The following DAAM2 variants were observed in gnomAD, a reference collection of about 807,000 sequenced individuals.
DAAM2 encodes the protein disheveled-associated activator of morphogenesis 2.
Under a neutral mutation model 120.7 loss-of-function variants are expected in DAAM2, and 39 were observed. The ratio of observed to expected loss-of-function variants is 0.32; its 90% confidence interval spans 0.25 to 0.42. The LOEUF (loss-of-function observed/expected upper bound fraction) is 0.42. Among genes scored for constraint, DAAM2 ranks in the 10% least tolerant of loss-of-function variants. The pLI is 1.00. For missense variants in DAAM2, 1,283 were observed against 1,401.7 expected (o/e 0.92, Z 1.35); for synonymous variants, 488 against 524.9 (o/e 0.93, Z 0.96).
At chr6:39,891,784 G>A (rs2149359031) in intron 19 of DAAM2, 62 bp downstream of exon 19, 2 of 1,378,624 alleles carry the variant, frequency 1.5e-6, no homozygotes, top group Middle Eastern at 1.8e-4. Context: ...CAGGGTGGGT[G>A]GGAGCCAGTG....
chr6:39,870,642 T>G (rs988282140), intron 8 of DAAM2, among the ~76,000 whole-genome samples, 199 bp downstream of exon 8: 4 of 152,184 alleles, frequency 2.6e-5, no homozygotes, highest in Non-Finnish European at 5.9e-5. Flanking sequence ...ATCTCTGATG[T>G]TATAGACAGG....
intron 1 of DAAM2, among the ~76,000 whole-genome samples, chr6:39,829,966 C>T (rs536955092): frequency 5.9e-5 from 9 of 152,316 alleles, no homozygotes; most frequent in East Asian, 1.9e-4. Context: ...TCCTTCCCCA[C>T]GCTGAGTTAG....
chr6:39,867,462 C>A, intron 5 of DAAM2, 48 bp from the exon 6 acceptor site: 1 of 1,583,168 alleles, frequency 6.3e-7, no homozygotes. Flanking sequence ...GCAAAGTGTA[C>A]ACAGAATCAT....
chr6:39,900,624 C>T lies in DAAM2; in HGVS notation c.2811+416C>T, dbSNP rs115465733. Reference sequence around the variant, plus strand: ...TGCCTCTATCTGCTTCTCACACTAACGTGTCCATAGACCTCATGTATGGGG... The same window carrying T: ...TGCCTCTATCTGCTTCTCACACTAATGTGTCCATAGACCTCATGTATGGGG... On this transcript the variant is annotated intron_variant, in intron 23 of 24. Coordinates refer to ENST00000274867, the MANE Select transcript of DAAM2 (RefSeq NM_001201427.2). 2.6e-3 allele frequency among the ~76,000 whole-genome samples: 391 copies of T among 152,288 alleles called. 1 individual carries two copies. Among genetic ancestry groups the T allele is most frequent in the Non-Finnish European group, 4.5e-3 (305 of 68,024 alleles).
rs771483933 is a variant in DAAM2, at chr6:39,897,248, G to T, written c.2584G>T (p.Glu862Ter). The change falls in exon 21 of 25, where the codon GAG becomes TAG. Residue 862 changes from glutamate to a stop codon, truncating the protein, a stop_gained. Coordinates refer to ENST00000274867, the MANE Select transcript of DAAM2 (RefSeq NM_001201427.2). LOFTEE classifies it high-confidence loss of function. ...TCCTGATATTCTAAACATGCCTTCAGAGCTGCAACATCTTCCAGAAGCTGC... is the reference window on the plus strand; with the variant it reads ...TCCTGATATTCTAAACATGCCTTCATAGCTGCAACATCTTCCAGAAGCTGC... ...HFPDILNMPS[E>*]LQHLPEAAKV... 1 of 1,613,328 alleles carries T rather than the reference G, an allele frequency of 6.2e-7. No individual in the cohort carries two copies. The highest frequency in any genetic ancestry group is 8.5e-7 in the Non-Finnish European group (1 of 1,179,362).
chr6:39,898,288 G>A (rs1168939091), intron 21 of DAAM2, among the ~76,000 whole-genome samples: 1 of 152,220 alleles, frequency 6.6e-6, no homozygotes, highest in Admixed American at 6.5e-5. Context: ...GCAGGGGCAG[G>A]GAATAACTCT....
At chr6:39,852,804 C>A (rs532787860) in intron 1 of DAAM2, among the ~76,000 whole-genome samples, 1 of 152,230 alleles carries the variant, frequency 6.6e-6, no homozygotes, top group Non-Finnish European at 1.5e-5. Flanking sequence ...AAAGCCTCTG[C>A]TCCCTACCCC....
At position 39,891,325 on chromosome 6, in the gene DAAM2, C is replaced by T. The variant is rs972244363; in HGVS notation, c.2146-16C>T. On this transcript the variant is annotated splice_polypyrimidine_tract_variant and intron_variant, in intron 17 of 24. Transcript: ENST00000274867. ...GCTCACCAGTTGCTTGTGTGACTTGCGCCTGCTCTTTGCAGCTCCTCAAGT... is the reference window on the plus strand; with the variant it reads ...GCTCACCAGTTGCTTGTGTGACTTGTGCCTGCTCTTTGCAGCTCCTCAAGT... The T allele has an allele frequency of 8.2e-6, 13 of 1,576,690 alleles. No homozygotes were observed. Among genetic ancestry groups the T allele is most frequent in the African/African-American group, 2.7e-5 (2 of 74,450 alleles).
At chr6:39,827,618 CAG>C (rs1280937652) in intron 1 of DAAM2, among the ~76,000 whole-genome samples, 2 of 152,142 alleles carry the variant, frequency 1.3e-5, no homozygotes, top group Admixed American at 6.5e-5. Context: ...GCTTCAGAAA[CAG>C]TGGCTGGAGG....
intron 1 of DAAM2, among the ~76,000 whole-genome samples, chr6:39,814,398 C>G (rs573680939): frequency 1.4e-4 from 22 of 152,282 alleles, no homozygotes; most frequent in South Asian, 8.3e-4. Flanking sequence ...TCCCCTTTGA[C>G]CTTGGCTTGG....
At position 39,904,114 on chromosome 6, in the gene DAAM2, C is replaced by T; in HGVS notation, c.*2077C>T. 1 of 443,358 alleles carries T rather than the reference C, an allele frequency of 2.3e-6. No individual in the cohort carries two copies. The allele number at this position is 443,358 out of a possible 1,614,324, so 27.5% of individuals were successfully genotyped here. ...GGCTCCACAAGCGTGTCTGGCATTC[C>T]CACCCACCATGGAAGACTGGATACG... On this transcript the variant is annotated 3_prime_UTR_variant, in exon 25 of 25. Coordinates refer to ENST00000274867, the MANE Select transcript of DAAM2 (RefSeq NM_001201427.2).
At chr6:39,844,705 A>G (rs1763492489) in intron 1 of DAAM2, among the ~76,000 whole-genome samples, 1 of 152,162 alleles carries the variant, frequency 6.6e-6, no homozygotes, top group Non-Finnish European at 1.5e-5. Flanking sequence ...CAACTCCTTT[A>G]TAAACGAAGA....
At chr6:39,828,414 C>CTACT (rs576958290) in intron 1 of DAAM2, among the ~76,000 whole-genome samples, 327 of 152,252 alleles carry the variant, frequency 2.1e-3, no homozygotes, top group Non-Finnish European at 3.5e-3. Context: ...TAATAAGGAC[C>CTACT]TACTATGCAT....
chr6:39,880,022 G>A (rs1351639700), intron 14 of DAAM2: 1 of 186,070 alleles, frequency 5.4e-6, no homozygotes, highest in African/African-American at 2.4e-5. Flanking sequence ...ACCACAGGTA[G>A]GGCTTGATTC....
intron 19 of DAAM2, among the ~76,000 whole-genome samples, chr6:39,896,306 G>A (rs1766086648): frequency 6.6e-6 from 1 of 152,008 alleles, no homozygotes; most frequent in Non-Finnish European, 1.5e-5. Flanking sequence ...GGGTTCAAGG[G>A]ACTCTTTTGC....
At chr6:39,834,599 G>A (rs1010170750) in intron 1 of DAAM2, among the ~76,000 whole-genome samples, 9 of 152,314 alleles carry the variant, frequency 5.9e-5, no homozygotes, top group East Asian at 1.9e-4. Context: ...GTTGAAAGGC[G>A]AAGGGGGTAT....
In DAAM2 at chr6:39,792,451, C is replaced by G. The variant is rs1406267846; in HGVS notation, c.-71C>G. The G allele has an allele frequency of 3.3e-5, 5 of 152,106 alleles. No homozygotes were observed. Among genetic ancestry groups the G allele is most frequent in the African/African-American group, 1.2e-4 (5 of 41,442 alleles). The allele number at this position is 152,106 out of a possible 1,614,324, so 9.4% of individuals were successfully genotyped here. The stretch of plus-strand genomic sequence containing the variant: ...CCTCGGGCTGCGGGAGCGCGGGCGC[C>G]CTGGGGTCCTCGGAGTAAGTGCGGC... On this transcript the variant is annotated 5_prime_UTR_variant, in exon 1 of 25. Transcript: ENST00000274867.
rs760045162 is a variant in DAAM2 at position 39,864,507 on chromosome 6, G to T, written c.333G>T (p.Ala111=). The part of the protein sequence containing the change: ...YYIDRINSMA[A]MQSLYAFDEE... ...TCGACCGCATCAATTCCATGGCTGC[G>T]GTGAGTGGCTGCCCCTCTCCTGCCC... Residue 111 remains alanine, a splice_region_variant and synonymous_variant, in exon 4 of 25, where the codon GCG becomes GCT. Transcript: ENST00000274867. The T allele has an allele frequency of 6.2e-7, 1 of 1,608,118 alleles. No individual in the cohort carries two copies. The highest frequency in any genetic ancestry group is 2.2e-5 in the East Asian group (1 of 44,722).
intron 2 of DAAM2, among the ~76,000 whole-genome samples, chr6:39,858,544 A>T (rs966200316): frequency 2.0e-5 from 3 of 152,126 alleles, no homozygotes; most frequent in Admixed American, 6.6e-5. Context: ...ACTGGAGGAG[A>T]TTCAAGTTGA....
Sources: allele counts gnomAD v4.1 joint callset (sites outside exome capture counted in the v4.1 genomes callset), GRCh38; gene constraint gnomAD v4.1.1; transcripts MANE v1.5; gene names NCBI Gene and HGNC (gene_info 2026-07-23, HGNC 2026-07-21).